The following MBOAT2 variants were observed in gnomAD, a reference collection of about 807,000 sequenced individuals.
MBOAT2 encodes membrane-bound glycerophospholipid O-acyltransferase 2.
MBOAT2 carries 28 observed loss-of-function variants against 63.4 expected under a neutral mutation model. That is an observed-to-expected ratio of 0.44 (90% CI 0.33 to 0.61). The LOEUF is 0.61. Ranked by LOEUF, MBOAT2 falls within the 20% of genes least tolerant of loss-of-function variation. MBOAT2 has a pLI of 0.03. For missense variants in MBOAT2, 470 were observed against 605.8 expected, an observed-to-expected ratio of 0.78 and a Z score of 2.35; for synonymous variants, 211 against 215.6, an observed-to-expected ratio of 0.98 and a Z score of 0.19.
chr2:8,866,792 T>C (rs1387907268), intron 9 of MBOAT2, among the ~76,000 whole-genome samples: 3 of 152,326 alleles, frequency 2.0e-5, no homozygotes, highest in Non-Finnish European at 2.9e-5. Context: ...TGATCTGGTG[T>C]TTAACTTACC....
chr2:8,997,686 T>A (rs1454252509), intron 1 of MBOAT2, among the ~76,000 whole-genome samples: 1 of 152,202 alleles, frequency 6.6e-6, no homozygotes, highest in Non-Finnish European at 1.5e-5. Flanking sequence ...ATGGTTTCAA[T>A]CTTCACAATA....
chr2:9,000,981 T>C (rs945608912), intron 1 of MBOAT2, among the ~76,000 whole-genome samples: 21 of 152,256 alleles, frequency 1.4e-4, no homozygotes, highest in African/African-American at 4.8e-4. Flanking sequence ...TTTTTTAATT[T>C]AAAAAACGAT....
At chr2:8,863,606 C>T (rs1457425157) in intron 10 of MBOAT2, among the ~76,000 whole-genome samples, 1 of 152,162 alleles carries the variant, frequency 6.6e-6, no homozygotes, top group African/African-American at 2.4e-5. Flanking sequence ...TCTGTGCCCT[C>T]GCTGTTCCTG....
chr2:8,876,950 C>A, intron 7 of MBOAT2, 80 bp downstream of exon 7: 1 of 1,347,800 alleles, frequency 7.4e-7, no homozygotes, highest in South Asian at 1.5e-5. Flanking sequence ...GATAAGTTCA[C>A]AATGTGAAAA....
chr2:8,917,653 A>C (rs2148603687), intron 3 of MBOAT2, among the ~76,000 whole-genome samples: 1 of 152,330 alleles, frequency 6.6e-6, no homozygotes, highest in Middle Eastern at 3.4e-3. Flanking sequence ...AGAATGCTAC[A>C]ATCACTTTGG....
chr2:8,957,138 G>A (rs551365357), intron 2 of MBOAT2, among the ~76,000 whole-genome samples: 1 of 152,272 alleles, frequency 6.6e-6, no homozygotes, highest in South Asian at 2.1e-4. Context: ...AAACAAGAAT[G>A]GTGGAATTTT....
intron 1 of MBOAT2, among the ~76,000 whole-genome samples, chr2:8,994,414 G>C (rs139091586): frequency 6.6e-6 from 1 of 152,204 alleles, no homozygotes; most frequent in Non-Finnish European, 1.5e-5. Flanking sequence ...GGAGAGGGGC[G>C]AGGACCCCGC....
chr2:8,972,055 G>C (rs1331733129), intron 1 of MBOAT2, among the ~76,000 whole-genome samples: 4 of 152,120 alleles, frequency 2.6e-5, no homozygotes, highest in South Asian at 2.1e-4. Flanking sequence ...AGCCCACATA[G>C]CCAAGACAAT....
intron 1 of MBOAT2, among the ~76,000 whole-genome samples, chr2:9,002,998 G>A (rs914227559): frequency 1.3e-5 from 2 of 152,092 alleles, no homozygotes; most frequent in Non-Finnish European, 2.9e-5. Context: ...AAGTGCAGTA[G>A]CGCTTAAGCC....
At chr2:8,914,332 C>G (rs1665993711) in intron 3 of MBOAT2, among the ~76,000 whole-genome samples, 1 of 151,998 alleles carries the variant, frequency 6.6e-6, no homozygotes, top group Non-Finnish European at 1.5e-5. Flanking sequence ...TTAACATAAG[C>G]AAAAATATTA....
intron 2 of MBOAT2, among the ~76,000 whole-genome samples, chr2:8,951,237 C>A (rs771413051): frequency 1.3e-4 from 20 of 149,500 alleles, no homozygotes; most frequent in Non-Finnish European, 2.4e-4. Flanking sequence ...CAGAGTCTCA[C>A]TCTGTCAGCC....
At chr2:8,883,194 C>T (rs28735678) in intron 5 of MBOAT2, among the ~76,000 whole-genome samples, 15,439 of 151,944 alleles carry the variant, frequency 0.1, 924 homozygotes, top group African/African-American at 0.16. Context: ...AATTAATAAA[C>T]TAATATTAGT....
intron 2 of MBOAT2, among the ~76,000 whole-genome samples, chr2:8,955,313 C>T (rs1217964609): frequency 6.6e-6 from 1 of 152,202 alleles, no homozygotes; most frequent in Non-Finnish European, 1.5e-5. Flanking sequence ...AAGTTGGCTC[C>T]AGGGCTTGGG....
intron 1 of MBOAT2, among the ~76,000 whole-genome samples, chr2:8,995,069 C>T (rs547672120): frequency 6.6e-6 from 1 of 151,742 alleles, no homozygotes; most frequent in African/African-American, 2.4e-5. Context: ...ATAAGCCATC[C>T]TTCTGAGGGT....
intron 2 of MBOAT2, among the ~76,000 whole-genome samples, chr2:8,945,975 C>T (rs1272206463): frequency 6.6e-6 from 1 of 152,142 alleles, no homozygotes; most frequent in Admixed American, 6.5e-5. Flanking sequence ...TCACAGAGCT[C>T]CCAGTCTAGA....
intron 3 of MBOAT2, among the ~76,000 whole-genome samples, chr2:8,939,310 C>T (rs1238740720): frequency 6.6e-6 from 1 of 152,208 alleles, no homozygotes. Flanking sequence ...CAGCTGAACC[C>T]GATGGAGGTC....
At chr2:8,951,659 G>A (rs867819683) in intron 2 of MBOAT2, among the ~76,000 whole-genome samples, 2 of 152,174 alleles carry the variant, frequency 1.3e-5, no homozygotes, top group African/African-American at 2.4e-5. Flanking sequence ...TCAATCTTAA[G>A]AGACTGTGTA....
chr2:8,883,399 T>G (rs1345659767), intron 5 of MBOAT2, among the ~76,000 whole-genome samples: 1 of 152,202 alleles, frequency 6.6e-6, no homozygotes, highest in Non-Finnish European at 1.5e-5. Flanking sequence ...GATGCCATTT[T>G]CACCTATTAC....
At chr2:8,896,180 A>G (rs1438884232) in intron 4 of MBOAT2, among the ~76,000 whole-genome samples, 6 of 147,058 alleles carry the variant, frequency 4.1e-5, no homozygotes, top group African/African-American at 1.3e-4. Flanking sequence ...TGGAGCTTGC[A>G]GTGAGCCGAG....
Sources: gnomAD v4.1 joint callset for allele counts (sites outside exome capture counted in the v4.1 genomes callset) on GRCh38, gnomAD v4.1.1 for gene constraint, MANE v1.5 for transcripts, NCBI Gene and HGNC (gene_info 2026-07-23, HGNC 2026-07-21) for gene names.